The following MGLL variants were observed in gnomAD, a reference collection of about 807,000 sequenced individuals.
MGLL encodes lysophospholipase homolog.
Under a neutral mutation model 29.1 loss-of-function variants are expected in MGLL, and 7 were observed. That is an observed-to-expected ratio of 0.24 (90% CI 0.14 to 0.45). MGLL has a LOEUF of 0.45. Ranked by LOEUF, MGLL falls within the 20% of genes least tolerant of loss-of-function variation. The pLI, the probability that MGLL is intolerant of heterozygous loss-of-function variation, is 0.99. For missense variants in MGLL, 356 were observed against 413.6 expected (o/e 0.86, Z 1.21); for synonymous variants, 148 against 168.3 (o/e 0.88, Z 0.93).
intron 3 of MGLL, chr3:127,735,830 G>C (rs752208091): frequency 5.6e-5 from 90 of 1,597,988 alleles, no homozygotes; most frequent in Non-Finnish European, 7.5e-5. Context: ...ATCCTTCCAG[G>C]GGAAGATCCT....
intron 3 of MGLL, among the ~76,000 whole-genome samples, chr3:127,765,412 G>A (rs1306439639): frequency 1.3e-5 from 2 of 152,210 alleles, no homozygotes; most frequent in Non-Finnish European, 2.9e-5. Context: ...TTATCAGGCC[G>A]CTGGGCACTA....
At chr3:127,702,420 G>A (rs1355169912) in intron 6 of MGLL, among the ~76,000 whole-genome samples, 1 of 152,190 alleles carries the variant, frequency 6.6e-6, no homozygotes, top group Non-Finnish European at 1.5e-5. Context: ...AGTCCCCACA[G>A]TGACCTTACC....
intron 4 of MGLL, 64 bp from the exon 5 acceptor site, chr3:127,721,227 A>G: frequency 2.1e-6 from 3 of 1,424,900 alleles, no homozygotes; most frequent in Non-Finnish European, 3.0e-6. Context: ...TTTCTAATAA[A>G]CATGACCAAT....
chr3:127,714,254 G>C (rs529534), intron 5 of MGLL: 137,268 of 152,216 alleles, frequency 0.9, 62,082 homozygotes, highest in African/African-American at 0.97. Flanking sequence ...AGGCCTCCCC[G>C]TCCTATGGCT....
At chr3:127,763,244 G>T (rs1009484545) in intron 3 of MGLL, among the ~76,000 whole-genome samples, 11 of 152,200 alleles carry the variant, frequency 7.2e-5, no homozygotes, top group African/African-American at 2.7e-4. Context: ...AGAAAGAAAG[G>T]CTCCGGAGGG....
rs117750177 is a variant in MGLL at position 127,734,817 on chromosome 3, C to T, written c.263-12251G>A. Among the ~76,000 whole-genome samples, 203 of 152,320 alleles carry T rather than the reference C, an allele frequency of 1.3e-3. 1 individual carries two copies. In the East Asian group the frequency reaches 0.037, roughly 28 times the overall value. On this transcript the variant is annotated intron_variant, in intron 3 of 7. Transcript: ENST00000265052. ...AAGCCAGCCAGTCATGGCAGGCACACGGGCTGAGGCTCTGGAGAGATGGGA... is the reference window on the plus strand; with the variant it reads ...AAGCCAGCCAGTCATGGCAGGCACATGGGCTGAGGCTCTGGAGAGATGGGA...
intron 3 of MGLL, among the ~76,000 whole-genome samples, chr3:127,739,016 A>C (rs2076291211): frequency 6.6e-6 from 1 of 152,256 alleles, no homozygotes; most frequent in Non-Finnish European, 1.5e-5. Flanking sequence ...CCTTCAATTC[A>C]GGAGGCACCA....
Position 127,761,184 on chromosome 3 carries a change from G to A in MGLL, c.262+20605C>T, listed in dbSNP as rs1460249469. On this transcript the variant is annotated intron_variant, in intron 3 of 7. Coordinates refer to ENST00000265052, the MANE Select transcript of MGLL (RefSeq NM_007283.7). The surrounding 1 kb of genome is among the most constrained non-coding windows in gnomAD (Gnocchi z 4.6). ...GCCCCAGTTGCTGTGTTCAGATAAC[G>A]TACAATTCCCTGTGGCCATCCGGAC... Among the ~76,000 whole-genome samples, 2 of 152,226 alleles carry A rather than the reference G, an allele frequency of 1.3e-5. No individual in the cohort carries two copies. The highest frequency in any genetic ancestry group is 2.9e-5 in the Non-Finnish European group (2 of 68,032).
chr3:127,765,594 T>G (rs928656866), intron 3 of MGLL, among the ~76,000 whole-genome samples: 1 of 152,216 alleles, frequency 6.6e-6, no homozygotes, highest in Non-Finnish European at 1.5e-5. Context: ...AATTCCTGTG[T>G]GAATAGCTCA....
intron 3 of MGLL, among the ~76,000 whole-genome samples, chr3:127,727,704 TAAAAA>T (rs1177079179): frequency 1.1e-4 from 9 of 80,710 alleles, no homozygotes; most frequent in African/African-American, 3.8e-4. Flanking sequence ...AGAGCAAGGC[TAAAAA>T]AAAAAAAAAA....
intron 3 of MGLL, among the ~76,000 whole-genome samples, chr3:127,733,828 G>A (rs2076195660): frequency 6.6e-6 from 1 of 152,232 alleles, no homozygotes; most frequent in Non-Finnish European, 1.5e-5. Context: ...GGTTCAGAGG[G>A]AGAAGCTTTG....
intron 3 of MGLL, among the ~76,000 whole-genome samples, chr3:127,766,792 C>T (rs554035410): frequency 1.1e-4 from 16 of 152,202 alleles, no homozygotes; most frequent in South Asian, 4.1e-4. Context: ...TAGTTACGGC[C>T]GGGGACAGTG....
chr3:127,812,561 G>A (rs868393813), intron 2 of MGLL, among the ~76,000 whole-genome samples: 5 of 152,256 alleles, frequency 3.3e-5, no homozygotes, highest in Non-Finnish European at 7.3e-5. Context: ...AAGCATGATT[G>A]CTTTCATACT....
At chr3:127,794,732 C>A (rs2077357550) in intron 2 of MGLL, among the ~76,000 whole-genome samples, 1 of 152,106 alleles carries the variant, frequency 6.6e-6, no homozygotes, top group Admixed American at 6.6e-5. Flanking sequence ...ATGTAAGACT[C>A]TCTTCTCTGA....
At chr3:127,791,441 T>C (rs28536014) in intron 2 of MGLL, among the ~76,000 whole-genome samples, 14,249 of 152,312 alleles carry the variant, frequency 0.094, 911 homozygotes, top group South Asian at 0.15. Flanking sequence ...TGATTCTACA[T>C]GGTTGCAGTT....
rs814131 is a variant in MGLL at position 127,692,072 on chromosome 3, C to T, written c.*126G>A. On this transcript the variant is annotated 3_prime_UTR_variant, in exon 8 of 8. Coordinates refer to ENST00000265052, the MANE Select transcript of MGLL (RefSeq NM_007283.7). Reference sequence around the variant, plus strand: ...GTCTGTTATTTTTTAGAAAATTGTGCTAAGGATTTCTCCAATTTCTGATTT... The same window carrying T: ...GTCTGTTATTTTTTAGAAAATTGTGTTAAGGATTTCTCCAATTTCTGATTT... 632,714 of 1,197,372 alleles carry T rather than the reference C, an allele frequency of 0.53. 173,687 individuals carry two copies. The highest frequency in any genetic ancestry group is 0.67 in the East Asian group (25,698 of 38,098). 74.2% of individuals were successfully genotyped at this position (1,197,372 alleles called of 1,614,324 possible).
At chr3:127,776,375 G>T (rs68125058) in intron 3 of MGLL, among the ~76,000 whole-genome samples, 12,530 of 152,178 alleles carry the variant, frequency 0.082, 719 homozygotes, top group South Asian at 0.15. Flanking sequence ...TCTGAGGGGT[G>T]GGGGAGGGGG....
At chr3:127,720,117 G>A (rs775683714) in intron 5 of MGLL, among the ~76,000 whole-genome samples, 1 of 152,172 alleles carries the variant, frequency 6.6e-6, no homozygotes, top group African/African-American at 2.4e-5. Context: ...AAGAGCTAAT[G>A]TCATTATTTA....
chr3:127,704,107 G>A (rs1052766550), intron 6 of MGLL, among the ~76,000 whole-genome samples: 3 of 152,180 alleles, frequency 2.0e-5, no homozygotes, highest in African/African-American at 7.2e-5. Context: ...TAACAAACCT[G>A]ATGAAAACAA....
Sources: allele counts gnomAD v4.1 joint callset (sites outside exome capture counted in the v4.1 genomes callset), GRCh38; gene constraint gnomAD v4.1.1; non-coding constraint Gnocchi (gnomAD v3.1); transcripts MANE v1.5; gene names NCBI Gene and HGNC (gene_info 2026-07-23, HGNC 2026-07-21).